CPM: variants seen among roughly 807,000 people sequenced by gnomAD.
CPM encodes renal carboxypeptidase.
In CPM, 35 loss-of-function variants were observed where a neutral mutation model predicts 46.4. That is an observed-to-expected ratio of 0.75 (90% CI 0.58 to 1.00). The LOEUF is 1.00. Ranked by LOEUF, CPM falls within the 50% of genes least tolerant of loss-of-function variation. The pLI, the probability that CPM is intolerant of heterozygous loss-of-function variation, is 0.00. For synonymous variants in CPM, 195 were observed against 195.3 expected (o/e 1.00, Z 0.01); for missense variants, 422 against 530.4 (o/e 0.80, Z 2.01).
intron 8 of CPM, among the ~76,000 whole-genome samples, chr12:68,857,182 A>G (rs1195243784): frequency 1.4e-5 from 2 of 140,884 alleles, no homozygotes; most frequent in Non-Finnish European, 3.0e-5. Context: ...TTTTTTTGAG[A>G]TAGAGTCTTG....
At chr12:68,943,180 C>T (rs141344425) in intron 1 of CPM, among the ~76,000 whole-genome samples, 4 of 152,322 alleles carry the variant, frequency 2.6e-5, no homozygotes, top group Non-Finnish European at 5.9e-5. Flanking sequence ...CCAGCTCTGT[C>T]GCTTACTGTG....
At chr12:68,868,286 C>A (rs1565770741) in intron 6 of CPM, among the ~76,000 whole-genome samples, 1 of 152,132 alleles carries the variant, frequency 6.6e-6, no homozygotes. Context: ...GACCTGTTGC[C>A]TATCAGTTGT....
chr12:68,937,074 C>T (rs1044015507), upstream of CPM, among the ~76,000 whole-genome samples: 3 of 152,156 alleles, frequency 2.0e-5, no homozygotes, highest in Non-Finnish European at 4.4e-5. Context: ...CAGGAAATGA[C>T]ATTTATGCTG....
chr12:68,873,201 A>G (rs1885787621), intron 3 of CPM, among the ~76,000 whole-genome samples: 1 of 152,222 alleles, frequency 6.6e-6, no homozygotes, highest in Admixed American at 6.5e-5. Context: ...GTGCAAGAAA[A>G]GATTTCATGG....
intron 3 of CPM, among the ~76,000 whole-genome samples, chr12:68,884,147 C>G (rs1886330244): frequency 6.8e-6 from 1 of 147,906 alleles, no homozygotes; most frequent in African/African-American, 2.5e-5. Flanking sequence ...TCTGAGGGAC[C>G]TTGATCAAGG....
intron 6 of CPM, among the ~76,000 whole-genome samples, chr12:68,867,508 C>G (rs1272228785): frequency 1.3e-5 from 2 of 152,212 alleles, no homozygotes; most frequent in Non-Finnish European, 2.9e-5. Flanking sequence ...CCAACATTCA[C>G]TATTGCCAGG....
rs73323877 is a variant in CPM at position 68,938,555 on chromosome 12, C to G, written c.-3-5715G>C. ...TCAGAGCTAAACCTTTGAGCATGTC[C>G]TTACCTCCTTAGGATCATTTCTTAG... is the stretch of plus-strand genomic sequence containing the variant. On this transcript the variant is annotated intron_variant, in intron 1 of 8. Transcript: ENST00000546373. Among the ~76,000 whole-genome samples, 573 of 152,230 alleles carry G rather than the reference C, an allele frequency of 3.8e-3. 1 individual carries two copies. The highest frequency in any genetic ancestry group is 0.013 in the African/African-American group (550 of 41,536).
In CPM at chr12:68,870,419, T is replaced by G; in HGVS notation, c.432-20A>C. On this transcript the variant is annotated intron_variant, in intron 4 of 8. Coordinates refer to ENST00000551568, the MANE Select transcript of CPM (RefSeq NM_198320.5). ...TTTTCCCTTTAAAAGAAAGAATATT[T>G]TAGGGCTTATTGATAGGGCATGAGG... 6.2e-7 allele frequency: 1 copy of G among 1,604,756 alleles called. No homozygotes were observed. Among genetic ancestry groups the G allele is most frequent in the Non-Finnish European group, 8.5e-7 (1 of 1,173,394 alleles).
Position 68,904,831 on chromosome 12 carries a change from G to A in CPM, c.161-18942C>T, listed in dbSNP as rs184710689. On this transcript the variant is annotated intron_variant, in intron 2 of 8. Transcript: ENST00000551568. ...CATAGTGATTCAGTCATACATGAAT[G>A]ACTCCTATCTAATGAACAGAAACCT... Among the ~76,000 whole-genome samples the A allele has an allele frequency of 2.4e-4, 36 of 152,326 alleles. 1 individual carries two copies. The highest frequency in any genetic ancestry group is 8.4e-4 in the African/African-American group (35 of 41,576).
intron 2 of CPM, among the ~76,000 whole-genome samples, chr12:68,924,817 T>C (rs1167061966): frequency 6.6e-6 from 1 of 152,176 alleles, no homozygotes; most frequent in Non-Finnish European, 1.5e-5. Context: ...TTATATACAA[T>C]GCTGTTTTCT....
upstream of CPM, among the ~76,000 whole-genome samples, chr12:68,933,402 T>C (rs1265383628): frequency 6.6e-6 from 1 of 151,968 alleles, no homozygotes; most frequent in Non-Finnish European, 1.5e-5. Context: ...GCTGCGGGCA[T>C]GGAGTCGCCG....
intron 2 of CPM, among the ~76,000 whole-genome samples, chr12:68,892,374 A>G (rs946009446): frequency 5.9e-5 from 9 of 152,070 alleles, no homozygotes; most frequent in Non-Finnish European, 1.2e-4. Context: ...AGTGATGGCT[A>G]TTGTTTGCTG....
At chr12:68,897,736 C>CAAA (rs62826660) in intron 2 of CPM, among the ~76,000 whole-genome samples, 1 of 106,050 alleles carries the variant, frequency 9.4e-6, no homozygotes, top group Non-Finnish European at 1.9e-5. Context: ...GACTCCGTTT[C>CAAA]AAAAAAAAAA....
chr12:68,866,971 G>T lies in CPM; in HGVS notation c.865C>A (p.Arg289Ser). ...TLELSCCKYPREEKLPSFWNN... is the reference protein window; with the variant it reads ...TLELSCCKYPSEEKLPSFWNN... ...CAAAAGGATGGAAGCTTCTCCTCACGAGGATATTTACAGCATGACAGCTCC... is the reference window on the plus strand; with the variant it reads ...CAAAAGGATGGAAGCTTCTCCTCACTAGGATATTTACAGCATGACAGCTCC... The change falls in exon 7 of 9, where the codon CGT becomes AGT. Residue 289 changes from arginine (R) to serine (S), a missense_variant. Coordinates refer to ENST00000551568, the MANE Select transcript of CPM (RefSeq NM_198320.5). The T allele has an allele frequency of 6.2e-7, 1 of 1,614,006 alleles. No individual in the cohort carries two copies. Among genetic ancestry groups the T allele is most frequent in the Non-Finnish European group, 8.5e-7 (1 of 1,179,914 alleles).
At chr12:68,896,522 C>T (rs929667455) in intron 2 of CPM, among the ~76,000 whole-genome samples, 2 of 152,068 alleles carry the variant, frequency 1.3e-5, no homozygotes, top group Non-Finnish European at 2.9e-5. Context: ...ACTTGGAGTC[C>T]GAGTCACCTT....
chr12:68,924,008 G>A (rs371926797), intron 2 of CPM, among the ~76,000 whole-genome samples: 2 of 152,156 alleles, frequency 1.3e-5, no homozygotes, highest in East Asian at 3.9e-4. Flanking sequence ...ACCCTATGGA[G>A]GACATTAGAA....
intron 7 of CPM, among the ~76,000 whole-genome samples, chr12:68,865,349 CTT>C (rs1885389140): frequency 6.6e-6 from 1 of 152,128 alleles, no homozygotes; most frequent in Admixed American, 6.5e-5. Context: ...TACCAGTAAT[CTT>C]TGTGTACTTC....
At chr12:68,927,987 C>A (rs1395247900) in intron 2 of CPM, among the ~76,000 whole-genome samples, 1 of 152,094 alleles carries the variant, frequency 6.6e-6, no homozygotes, top group Non-Finnish European at 1.5e-5. Context: ...ATCAAGCCAC[C>A]AATGACTTTC....
chr12:68,892,790 C>T (rs181579532), intron 2 of CPM, among the ~76,000 whole-genome samples: 4 of 152,120 alleles, frequency 2.6e-5, no homozygotes, highest in East Asian at 1.9e-4. Flanking sequence ...ACCCAGGAGG[C>T]GGAGGTTGCA....
Sources: allele counts gnomAD v4.1 joint callset (sites outside exome capture counted in the v4.1 genomes callset), GRCh38; gene constraint gnomAD v4.1.1; transcripts MANE v1.5; gene names NCBI Gene and HGNC (gene_info 2026-07-23, HGNC 2026-07-21).